The following HS3ST5 variants were observed in gnomAD, a reference collection of about 807,000 sequenced individuals.
HS3ST5 encodes heparan sulfate-glucosamine 3-sulfotransferase 5.
HS3ST5 carries 10 observed loss-of-function variants against 25.4 expected under a neutral mutation model. The observed-to-expected ratio is 0.39, with a 90% confidence interval of 0.24 to 0.67. HS3ST5 has a LOEUF of 0.67. Among genes scored for constraint, HS3ST5 ranks in the 30% least tolerant of loss-of-function variants. The pLI, the probability that HS3ST5 is intolerant of heterozygous loss-of-function variation, is 0.44. For synonymous variants in HS3ST5, 170 were observed against 162.4 expected (o/e 1.05, Z -0.36); for missense variants, 324 against 420.7 (o/e 0.77, Z 2.01).
At chr6:114,070,551 C>A (rs1562183862) in intron 3 of HS3ST5, among the ~76,000 whole-genome samples, 1 of 152,140 alleles carries the variant, frequency 6.6e-6, no homozygotes, top group African/African-American at 2.4e-5. Flanking sequence ...AGTAGATGAT[C>A]AAAATACCAT....
At chr6:114,308,611 C>G (rs1350304964) in intron 1 of HS3ST5, among the ~76,000 whole-genome samples, 1 of 151,868 alleles carries the variant, frequency 6.6e-6, no homozygotes, top group East Asian at 1.9e-4. Flanking sequence ...AAAACAAAAA[C>G]TAACTAGATG....
intron 1 of HS3ST5, among the ~76,000 whole-genome samples, chr6:114,231,760 TAAAA>T (rs11333317): frequency 1.4e-5 from 2 of 141,258 alleles, no homozygotes. Flanking sequence ...CTATTCTATT[TAAAA>T]AAAAAAAAAA....
chr6:114,145,202 G>A (rs907342679), intron 3 of HS3ST5, among the ~76,000 whole-genome samples: 2 of 152,146 alleles, frequency 1.3e-5, no homozygotes, highest in African/African-American at 4.8e-5. Flanking sequence ...GTACTTCTAG[G>A]TTGGTCCTGA....
chr6:114,149,419 A>T (rs1485082814), intron 3 of HS3ST5, among the ~76,000 whole-genome samples: 1 of 152,228 alleles, frequency 6.6e-6, no homozygotes, highest in African/African-American at 2.4e-5. Context: ...GGATGAGTTC[A>T]TGTCCTTTGC....
chr6:114,059,662 T>A (rs1213155315), intron 4 of HS3ST5: 2 of 152,342 alleles, frequency 1.3e-5, no homozygotes, highest in African/African-American at 4.8e-5. Context: ...AAGCTCCCTC[T>A]CTCTCCTGCC....
At chr6:114,119,071 A>C (rs915238336) in intron 3 of HS3ST5, among the ~76,000 whole-genome samples, 2 of 152,234 alleles carry the variant, frequency 1.3e-5, no homozygotes, top group Non-Finnish European at 2.9e-5. Context: ...TCCCTATGAG[A>C]CAATTCACCT....
chr6:114,227,796 TA>T (rs1322099661), intron 2 of HS3ST5, among the ~76,000 whole-genome samples: 51 of 152,244 alleles, frequency 3.3e-4, no homozygotes, highest in African/African-American at 1.2e-3. Context: ...AAATTTCTTA[TA>T]ATTAGATACA....
chr6:114,333,872 T>C (rs1776504225), intron 1 of HS3ST5, among the ~76,000 whole-genome samples: 1 of 152,190 alleles, frequency 6.6e-6, no homozygotes, highest in Admixed American at 6.5e-5. Flanking sequence ...ACATCTAGTC[T>C]AGATTTGGAA....
At chr6:114,273,782 T>C (rs1236097033) in intron 1 of HS3ST5, among the ~76,000 whole-genome samples, 1 of 151,944 alleles carries the variant, frequency 6.6e-6, no homozygotes, top group Admixed American at 6.6e-5. Flanking sequence ...GAAAGAGCAG[T>C]TTCAGGGGAG....
At chr6:114,233,138 T>C (rs1194963906) in intron 1 of HS3ST5, among the ~76,000 whole-genome samples, 1 of 152,080 alleles carries the variant, frequency 6.6e-6, no homozygotes, top group African/African-American at 2.4e-5. Context: ...CAAATATTTG[T>C]TGAATGAATG....
At chr6:114,079,953 T>A (rs1004198642) in intron 3 of HS3ST5, among the ~76,000 whole-genome samples, 3 of 152,124 alleles carry the variant, frequency 2.0e-5, no homozygotes, top group Non-Finnish European at 1.5e-5. Context: ...TTTTGTTTTT[T>A]TTTAGTAGAG....
Position 114,201,932 on chromosome 6 carries a change from T to A in HS3ST5, c.-145+26653A>T, listed in dbSNP as rs572481568. Among the ~76,000 whole-genome samples, 132 of 152,052 alleles carry A rather than the reference T, an allele frequency of 8.7e-4. 1 individual carries two copies. The highest frequency in any genetic ancestry group is 3.1e-3 in the African/African-American group (129 of 41,458). ...ATCAGATCTGTGAGAAATCACTCAC[T>A]ATCACAAGAATAGCAGCATGGGGGC... On this transcript the variant is annotated intron_variant, in intron 2 of 4. Transcript: ENST00000312719.
chr6:114,280,431 T>A (rs1774056139), intron 1 of HS3ST5, among the ~76,000 whole-genome samples: 1 of 151,852 alleles, frequency 6.6e-6, no homozygotes, highest in Non-Finnish European at 1.5e-5. Flanking sequence ...CAGGCTAAGA[T>A]TCAGGAGGTA....
chr6:114,170,607 A>C (rs1164250500), intron 2 of HS3ST5, among the ~76,000 whole-genome samples: 1 of 152,122 alleles, frequency 6.6e-6, no homozygotes, highest in Non-Finnish European at 1.5e-5. Flanking sequence ...AGATTTCTTT[A>C]CTCTGATTCA....
chr6:114,241,114 A>T (rs1468068623), intron 1 of HS3ST5, among the ~76,000 whole-genome samples: 2 of 148,142 alleles, frequency 1.4e-5, no homozygotes, highest in African/African-American at 2.5e-5. Flanking sequence ...CTATGTTTAT[A>T]TATTTAAAGA....
At chr6:114,171,240 G>T (rs867451150) in intron 2 of HS3ST5, among the ~76,000 whole-genome samples, 2 of 152,166 alleles carry the variant, frequency 1.3e-5, no homozygotes, top group Non-Finnish European at 2.9e-5. Flanking sequence ...TGATTTATAA[G>T]TGTGTAACAA....
chr6:114,339,485 G>A (rs768817973), intron 1 of HS3ST5, among the ~76,000 whole-genome samples: 33 of 151,926 alleles, frequency 2.2e-4, no homozygotes, highest in Non-Finnish European at 4.4e-4. Flanking sequence ...TTTAAAAAAC[G>A]TTACTGTTTC....
At chr6:114,165,618 A>G (rs299425) in intron 3 of HS3ST5, among the ~76,000 whole-genome samples, 148,301 of 152,248 alleles carry the variant, frequency 0.97, 72,353 homozygotes, top group East Asian at 1. Flanking sequence ...GCATGAAGAA[A>G]TTCTATAATA....
chr6:114,282,647 C>G (rs1774167382), intron 1 of HS3ST5, among the ~76,000 whole-genome samples: 1 of 151,884 alleles, frequency 6.6e-6, no homozygotes, highest in African/African-American at 2.4e-5. Flanking sequence ...TCTGTTTGGC[C>G]CACTGAGGTG....
Sources: gnomAD v4.1 joint callset for allele counts (sites outside exome capture counted in the v4.1 genomes callset) on GRCh38, gnomAD v4.1.1 for gene constraint, MANE v1.5 for transcripts, NCBI Gene and HGNC (gene_info 2026-07-23, HGNC 2026-07-21) for gene names.